IL16: variants seen among roughly 807,000 people sequenced by gnomAD.
IL16 encodes the protein interleukin 16, also known as pro-interleukin-16.
A neutral mutation model predicts 110.1 loss-of-function variants in IL16; 67 were observed. That is an observed-to-expected ratio of 0.61 (90% CI 0.50 to 0.75). The LOEUF (loss-of-function observed/expected upper bound fraction) is 0.75, where lower values mean the gene tolerates loss of function less well. IL16 is among the 30% of genes least tolerant of loss of function. IL16 has a pLI of 0.00. For synonymous variants in IL16, 689 were observed against 662.9 expected, an observed-to-expected ratio of 1.04 and a Z score of -0.61; for missense variants, 1,545 against 1,655.0, an observed-to-expected ratio of 0.93 and a Z score of 1.15.
intron 2 of IL16, among the ~76,000 whole-genome samples, chr15:81,227,976 C>T (rs1027758791): frequency 2.0e-5 from 3 of 152,046 alleles, no homozygotes; most frequent in African/African-American, 7.3e-5. Flanking sequence ...GGTGCCCTGT[C>T]CCAACATGCA....
In IL16 at chr15:81,299,643, TCAGCAGACAGCAG is replaced by T; in HGVS notation, c.2320_2332del (p.Ala774LeufsTer2). On this transcript the variant is annotated frameshift_variant, in exon 14 of 19. Transcript: ENST00000683961. LOFTEE classifies it high-confidence loss of function. ...CAATGGCACTCCCAAAGTTTACAAG[TCAGCAGACAGCAG>T]CACTGTGAAGAAAGGTCCTCCTGTG... 1 of 1,614,142 alleles carries T rather than the reference TCAGCAGACAGCAG, an allele frequency of 6.2e-7. No homozygotes were observed. The highest frequency in any genetic ancestry group is 8.5e-7 in the Non-Finnish European group (1 of 1,180,028).
At chr15:81,304,229 C>T (rs1394557435) in intron 16 of IL16, among the ~76,000 whole-genome samples, 2 of 152,020 alleles carry the variant, frequency 1.3e-5, no homozygotes, top group Non-Finnish European at 2.9e-5. Context: ...TTTTCTATCA[C>T]ATAAAAAACA....
rs375359415 is a variant in IL16 at position 81,300,491 on chromosome 15, C to T, written c.3149+16C>T. 52 of 1,534,860 alleles carry T rather than the reference C, an allele frequency of 3.4e-5. No individual in the cohort carries two copies. The highest frequency in any genetic ancestry group is 2.1e-4 in the African/African-American group (15 of 72,536). Reference sequence around the variant, plus strand: ...TCTCGCTCAAGTGAGTTTCTACACCCGGTGTTTCTCTTTACCTTTCTCATC... The same window carrying T: ...TCTCGCTCAAGTGAGTTTCTACACCTGGTGTTTCTCTTTACCTTTCTCATC... On this transcript the variant is annotated intron_variant, in intron 14 of 18. Coordinates refer to ENST00000683961, the MANE Select transcript of IL16 (RefSeq NM_172217.5).
At chr15:81,247,075 CCTTTT>C (rs1897581627) in intron 2 of IL16, among the ~76,000 whole-genome samples, 1 of 109,420 alleles carries the variant, frequency 9.1e-6, no homozygotes, top group Admixed American at 1.0e-4. Context: ...CTTTTCTTTT[CCTTTT>C]TTTTTTTTTT....
chr15:81,298,064 G>A (rs1348962258), intron 13 of IL16, among the ~76,000 whole-genome samples: 2 of 152,192 alleles, frequency 1.3e-5, no homozygotes, highest in Non-Finnish European at 2.9e-5. Context: ...GTGTTTAACT[G>A]ACAGGAGGTT....
chr15:81,257,529 A>C (rs1897990767), intron 2 of IL16, among the ~76,000 whole-genome samples: 1 of 152,206 alleles, frequency 6.6e-6, no homozygotes, highest in Non-Finnish European at 1.5e-5. Flanking sequence ...AGGGCTCATT[A>C]GCCTGCCATT....
chr15:81,303,700 G>A lies in IL16; in HGVS notation c.3420+50G>A, dbSNP rs1013593673. On this transcript the variant is annotated intron_variant, in intron 16 of 18. Coordinates refer to ENST00000683961, the MANE Select transcript of IL16 (RefSeq NM_172217.5). The surrounding 1 kb of genome is among the most constrained non-coding windows in gnomAD (Gnocchi z 4.1). ...GTCACAGCCAGAGGCAATGGTTCTG[G>A]GGGAGGGGGACACACTTGCCAGGAA... is the stretch of plus-strand genomic sequence containing the variant. 8.0e-6 allele frequency: 10 copies of A among 1,244,600 alleles called. No individual in the cohort carries two copies. Among genetic ancestry groups the A allele is most frequent in the Non-Finnish European group, 1.2e-5 (10 of 844,798 alleles). The allele number at this position is 1,244,600 out of a possible 1,614,324, so 77.1% of individuals were successfully genotyped here. A position where few individuals can be genotyped will look rare whatever the true frequency, so the allele number is the denominator to read the frequency against.
intron 2 of IL16, among the ~76,000 whole-genome samples, chr15:81,253,534 C>T (rs1406098201): frequency 6.6e-6 from 1 of 152,100 alleles, no homozygotes; most frequent in Non-Finnish European, 1.5e-5. Context: ...GAAGAAGCCT[C>T]TCCCTAACCC....
chr15:81,218,620 C>G (rs1435954905), intron 1 of IL16, among the ~76,000 whole-genome samples: 1 of 152,160 alleles, frequency 6.6e-6, no homozygotes, highest in African/African-American at 2.4e-5. Flanking sequence ...GGAAATTACG[C>G]AGAAAGGAAA....
Position 81,313,303 on chromosome 15 carries a change from G to A in IL16, c.*4505G>A, listed in dbSNP as rs750218015. On this transcript the variant is annotated 3_prime_UTR_variant, in exon 19 of 19. Coordinates refer to ENST00000683961, the MANE Select transcript of IL16 (RefSeq NM_172217.5). Reference sequence around the variant, plus strand: ...GCTTTCTGAAGGTTGGCATAAAACCGGGTCATGCTGCGGGGGAAGAAGGAG... The same window carrying A: ...GCTTTCTGAAGGTTGGCATAAAACCAGGTCATGCTGCGGGGGAAGAAGGAG... 8.9e-6 allele frequency: 14 copies of A among 1,580,200 alleles called. No homozygotes were observed. Among genetic ancestry groups the A allele is most frequent in the South Asian group, 4.7e-5 (4 of 84,726 alleles).
Position 81,297,045 on chromosome 15 carries a change from G to C in IL16, c.2020G>C (p.Glu674Gln). 1 of 1,613,934 alleles carries C rather than the reference G, an allele frequency of 6.2e-7. No individual in the cohort carries two copies. The highest frequency in any genetic ancestry group is 8.5e-7 in the Non-Finnish European group (1 of 1,179,950). Reference sequence around the variant, plus strand: ...CGGCCCACAGACCAAGTCCTCCACAGAGGGCGAGCCAGGGTGGAGAAGAGC... The same window carrying C: ...CGGCCCACAGACCAAGTCCTCCACACAGGGCGAGCCAGGGTGGAGAAGAGC... The part of the protein sequence containing the change: ...GIGPQTKSST[E>Q]GEPGWRRASP... The change falls in exon 13 of 19, where the codon GAG (glutamate) becomes CAG (glutamine). Residue 674 changes from glutamate to glutamine, a missense_variant. By Grantham distance (29) the Glu-to-Gln change is conservative. Coordinates refer to ENST00000683961, the MANE Select transcript of IL16 (RefSeq NM_172217.5).
intron 2 of IL16, among the ~76,000 whole-genome samples, chr15:81,231,643 G>C (rs552105985): frequency 6.6e-6 from 1 of 152,148 alleles, no homozygotes; most frequent in African/African-American, 2.4e-5. Flanking sequence ...ACAGTGCTGG[G>C]ATTACAAGAG....
At chr15:81,257,492 A>T (rs1897989213) in intron 2 of IL16, among the ~76,000 whole-genome samples, 1 of 152,200 alleles carries the variant, frequency 6.6e-6, no homozygotes, top group African/African-American at 2.4e-5. Flanking sequence ...CTGCACGACA[A>T]AGTGCAGGTG....
chr15:81,307,243 A>AG (rs1338935167), intron 18 of IL16, among the ~76,000 whole-genome samples: 1 of 152,196 alleles, frequency 6.6e-6, no homozygotes, highest in Non-Finnish European at 1.5e-5. Context: ...AGTACTGGAC[A>AG]GGGAGGCAGG....
At chr15:81,188,211 A>C (rs768915942) in intron 1 of IL16, 4 of 412,544 alleles carry the variant, frequency 9.7e-6, no homozygotes, top group Non-Finnish European at 1.5e-5. Context: ...CAAAAACAGC[A>C]CAAAATAGAT....
intron 10 of IL16, among the ~76,000 whole-genome samples, chr15:81,286,986 T>A (rs971107896): frequency 2.0e-5 from 3 of 152,202 alleles, no homozygotes; most frequent in African/African-American, 7.2e-5. Flanking sequence ...ACTTATTCAC[T>A]ATCATGAGAA....
chr15:81,306,224 G>A, intron 17 of IL16, 58 bp downstream of exon 17: 1 of 1,580,462 alleles, frequency 6.3e-7, no homozygotes, highest in Non-Finnish European at 8.6e-7. Context: ...GGCCATTTGG[G>A]GCCAGACCTG....
At chr15:81,204,550 C>T (rs531050545) in intron 1 of IL16, among the ~76,000 whole-genome samples, 2 of 152,088 alleles carry the variant, frequency 1.3e-5, no homozygotes, top group Admixed American at 6.5e-5. Context: ...TGAATTTTCT[C>T]AAAGGCCTTT....
At position 81,303,428 on chromosome 15, in the gene IL16, G is replaced by A; in HGVS notation, c.3319-121G>A. 1 of 675,870 alleles carries A rather than the reference G, an allele frequency of 1.5e-6. No individual in the cohort carries two copies. The allele number at this position is 675,870 out of a possible 1,614,324, so 41.9% of individuals were successfully genotyped here. On this transcript the variant is annotated intron_variant, in intron 15 of 18. Coordinates refer to ENST00000683961, the MANE Select transcript of IL16 (RefSeq NM_172217.5). This position sits in a 1 kb window ranked among gnomAD's most constrained non-coding sequence, Gnocchi z 4.1. Reference sequence around the variant, plus strand: ...GGAAACTGAGGTTTGAGGAGGTGATGTAACTTGGAGGCTGGCCAAGCTGGG... The same window carrying A: ...GGAAACTGAGGTTTGAGGAGGTGATATAACTTGGAGGCTGGCCAAGCTGGG...
Sources: allele counts gnomAD v4.1 joint callset (sites outside exome capture counted in the v4.1 genomes callset), GRCh38; gene constraint gnomAD v4.1.1; non-coding constraint Gnocchi (gnomAD v3.1); transcripts MANE v1.5; gene names NCBI Gene and HGNC (gene_info 2026-07-23, HGNC 2026-07-21).